Variants in EIF3B observed in about 807,000 individuals in gnomAD.
The protein encoded by EIF3B is eukaryotic translation initiation factor 3 subunit 9.
A neutral mutation model predicts 104.6 loss-of-function variants in EIF3B; 10 were observed. The observed-to-expected ratio is 0.10, with a 90% CI of 0.06 to 0.16. EIF3B has a LOEUF of 0.16. Ranked by LOEUF, EIF3B falls within the 10% of genes least tolerant of loss-of-function variation. The probability of loss-of-function intolerance (pLI) is 1.00; values close to 1 mark genes in which losing one functional copy is unlikely to be tolerated. For missense variants in EIF3B, 1,014 were observed against 1,087.9 expected, an observed-to-expected ratio of 0.93 and a Z score of 0.96; for synonymous variants, 542 against 417.2, an observed-to-expected ratio of 1.30 and a Z score of -3.65.
chr7:2,363,774 G>A lies in EIF3B; in HGVS notation c.999+14G>A, dbSNP rs749248522. 3 of 1,610,736 alleles carry A rather than the reference G, an allele frequency of 1.9e-6. No individual in the cohort carries two copies. Among genetic ancestry groups the A allele is most frequent in the Non-Finnish European group, 2.5e-6 (3 of 1,179,318 alleles). On this transcript the variant is annotated intron_variant, in intron 5 of 18. Coordinates refer to ENST00000360876, the MANE Select transcript of EIF3B (RefSeq NM_001037283.2). The stretch of plus-strand genomic sequence containing the variant: ...GAAGAAAGAGCGGTGTGTATTTGCT[G>A]CTGCTGGGGGCGGGGACTCACCTCT...
chr7:2,376,579 A>AGT (rs1780643691), intron 14 of EIF3B: 1 of 191,924 alleles, frequency 5.2e-6, no homozygotes, highest in South Asian at 1.1e-4. Flanking sequence ...AGCAGTGAGT[A>AGT]GTGCTATGCA....
At chr7:2,371,058 G>A (rs890257047) in intron 10 of EIF3B, among the ~76,000 whole-genome samples, 7 of 152,128 alleles carry the variant, frequency 4.6e-5, no homozygotes, top group African/African-American at 1.7e-4. Context: ...GTGAGACTCC[G>A]TCTCAAAAAT....
In EIF3B at chr7:2,379,523, C is replaced by A. The variant is rs1316322105; in HGVS notation, c.*14+12C>A. On this transcript the variant is annotated intron_variant, in intron 18 of 18. Coordinates refer to ENST00000360876, the MANE Select transcript of EIF3B (RefSeq NM_001037283.2). ...CCTGGAGCACTGTGGTGAGCGTCTG[C>A]AGGGGGCGCGATGGGGGTCCTGTTG... 6.6e-7 allele frequency: 1 copy of A among 1,520,122 alleles called. No homozygotes were observed. The allele number at this position is 1,520,122 out of a possible 1,614,324, so 94.2% of individuals were successfully genotyped here.
At chr7:2,355,509 G>C in intron 1 of EIF3B, 89 bp downstream of exon 1, 1 of 1,393,302 alleles carries the variant, frequency 7.2e-7, no homozygotes, top group Non-Finnish European at 9.3e-7. Flanking sequence ...TGTGCCACCG[G>C]TTCGTGCAGA....
rs1041834569 is a variant in EIF3B at position 2,367,903 on chromosome 7, G to A, written c.1403+858G>A. Among the ~76,000 whole-genome samples, 6 of 127,946 alleles carry A rather than the reference G, an allele frequency of 4.7e-5. No homozygotes were observed. In the South Asian group the frequency reaches 1.3e-3, roughly 27 times the overall value. 83.9% of individuals were successfully genotyped at this position (127,946 alleles called of 152,430 possible). A position where few individuals can be genotyped will look rare whatever the true frequency, so the allele number is the denominator to read the frequency against. On this transcript the variant is annotated intron_variant, in intron 9 of 18. Coordinates refer to ENST00000360876, the MANE Select transcript of EIF3B (RefSeq NM_001037283.2). ...GTCTTGCAGGCTGGTGTAGAGTGGC[G>A]AGATCTTGGCTCACTGCAATTTCCA...
chr7:2,375,608 G>T, intron 14 of EIF3B, 81 bp downstream of exon 14: 1 of 1,589,416 alleles, frequency 6.3e-7, no homozygotes, highest in Non-Finnish European at 8.6e-7. Flanking sequence ...TGCTGTCCTG[G>T]GACCTCAGGG....
At chr7:2,374,860 G>A in intron 13 of EIF3B, 1 of 395,716 alleles carries the variant, frequency 2.5e-6, no homozygotes, top group South Asian at 6.9e-5. Context: ...CCTGTCTGCG[G>A]GTTGTGGTTC....
In EIF3B at chr7:2,378,720, A is replaced by C; in HGVS notation, c.2186A>C (p.Lys729Thr). Residue 729 changes from lysine to threonine, a missense_variant, in exon 16 of 19, where the codon AAG becomes ACG. By Grantham distance (78) the Lys-to-Thr change is moderately conservative. Coordinates refer to ENST00000360876, the MANE Select transcript of EIF3B (RefSeq NM_001037283.2). ...QIKKDLKKYS[K>T]IFEQKDRLSQ... ...AAAAAGGATCTGAAGAAATACTCTA[A>C]GATCTTTGAACAGAAGGATCGTTTG... is the stretch of plus-strand genomic sequence containing the variant. 1 of 1,614,086 alleles carries C rather than the reference A, an allele frequency of 6.2e-7. No homozygotes were observed. The highest frequency in any genetic ancestry group is 8.5e-7 in the Non-Finnish European group (1 of 1,179,946).
At position 2,367,040 on chromosome 7, in the gene EIF3B, G is replaced by A. The variant is rs1475275937; in HGVS notation, c.1398G>A (p.Gly466=). ...ACAAGAAGAGTTTGAAGATCTCTGG[G>A]ATAAAGTGAGTATTCTTATCAGTTT... ...LLDKKSLKIS[G]IKDFSWSPGG... The change falls in exon 9 of 19, where the codon GGG becomes GGA. Residue 466 remains glycine (G), a synonymous_variant. Coordinates refer to ENST00000360876, the MANE Select transcript of EIF3B (RefSeq NM_001037283.2). The A allele has an allele frequency of 3.1e-6, 5 of 1,612,532 alleles. No homozygotes were observed. Among genetic ancestry groups the A allele is most frequent in the Non-Finnish European group, 4.2e-6 (5 of 1,179,590 alleles).
At chr7:2,372,917 T>C (rs1780436907) in intron 12 of EIF3B, 122 bp downstream of exon 12, 9 of 1,148,026 alleles carry the variant, frequency 7.8e-6, no homozygotes, top group Non-Finnish European at 1.1e-5. Flanking sequence ...GACTCGCCTA[T>C]GAATGGGGTG....
chr7:2,355,573 C>T (rs1262815263), intron 1 of EIF3B, among the ~76,000 whole-genome samples, 153 bp downstream of exon 1: 1 of 152,156 alleles, frequency 6.6e-6, no homozygotes, highest in Admixed American at 6.5e-5. Context: ...GGAGGGGTTC[C>T]CGAGTGCCCT....
chr7:2,361,002 A>G (rs1779696485), intron 2 of EIF3B, 100 bp downstream of exon 2: 1 of 1,003,966 alleles, frequency 1.0e-6, no homozygotes, highest in South Asian at 1.6e-5. Flanking sequence ...TGCCTTGCCC[A>G]GGCACGTGGG....
intron 5 of EIF3B, 135 bp downstream of exon 5, chr7:2,363,895 A>G (rs1479475795): frequency 3.9e-6 from 4 of 1,031,246 alleles, no homozygotes; most frequent in Middle Eastern, 2.5e-4. Flanking sequence ...TCTGAAAACA[A>G]CTTCTTTTAT....
intron 6 of EIF3B, among the ~76,000 whole-genome samples, chr7:2,365,776 A>C (rs995378075): frequency 4.6e-5 from 7 of 151,514 alleles, no homozygotes; most frequent in Non-Finnish European, 7.4e-5. Flanking sequence ...CCCGGGTTCA[A>C]GCTATTCTCC....
At chr7:2,377,124 G>T (rs755599628) in intron 15 of EIF3B, 49 bp downstream of exon 15, 15 of 1,554,754 alleles carry the variant, frequency 9.6e-6, no homozygotes, top group Middle Eastern at 1.7e-4. Flanking sequence ...GGCAATTGTG[G>T]CGTTGAAAAG....
intron 1 of EIF3B, among the ~76,000 whole-genome samples, chr7:2,355,902 A>G (rs192127898): frequency 2.0e-5 from 3 of 152,298 alleles, no homozygotes; most frequent in Admixed American, 2.0e-4. Flanking sequence ...AGAATTGTCC[A>G]TCTCCAGAGA....
At position 2,364,362 on chromosome 7, in the gene EIF3B, T is replaced by G. The variant is rs1390829110; in HGVS notation, c.1000-10T>G. ...TGTTGTATTAACGTTGGCACTGCCTTTTTCTGCAGAGATGGACAGAGACGT... is the reference window on the plus strand; with the variant it reads ...TGTTGTATTAACGTTGGCACTGCCTGTTTCTGCAGAGATGGACAGAGACGT... On this transcript the variant is annotated splice_polypyrimidine_tract_variant and intron_variant, in intron 5 of 18. Coordinates refer to ENST00000360876, the MANE Select transcript of EIF3B (RefSeq NM_001037283.2). 4 of 1,578,256 alleles carry G rather than the reference T, an allele frequency of 2.5e-6. No individual in the cohort carries two copies. In the South Asian group the frequency reaches 4.8e-5, roughly 19 times the overall value.
rs757370973 is a variant in EIF3B at position 2,363,759 on chromosome 7, C to A, written c.998C>A (p.Ala333Glu). 8 of 1,612,528 alleles carry A rather than the reference C, an allele frequency of 5.0e-6. No individual in the cohort carries two copies. Among genetic ancestry groups the A allele is most frequent in the Middle Eastern group, 1.6e-4 (1 of 6,082 alleles). ...GACCCTGTCTCAATTGAAGAAAGAG[C>A]GGTGTGTATTTGCTGCTGCTGGGGG... is the stretch of plus-strand genomic sequence containing the variant. ...VKDPVSIEER[A>E]RWTETYVRWS... The change falls in exon 5 of 19, where the codon GCG becomes GAG. Residue 333 changes from alanine (A) to glutamate (E), a missense_variant and splice_region_variant. Physicochemically the swap from Ala to Glu is moderately radical, Grantham distance 107. Coordinates refer to ENST00000360876, the MANE Select transcript of EIF3B (RefSeq NM_001037283.2).
intron 1 of EIF3B, among the ~76,000 whole-genome samples, chr7:2,355,923 G>T (rs1290333131): frequency 1.3e-5 from 2 of 152,208 alleles, no homozygotes; most frequent in African/African-American, 4.8e-5. Flanking sequence ...CTTCCTTAGT[G>T]GGACAGGCAC....
Sources: gnomAD v4.1 joint callset for allele counts (sites outside exome capture counted in the v4.1 genomes callset) on GRCh38, gnomAD v4.1.1 for gene constraint, MANE v1.5 for transcripts, NCBI Gene and HGNC (gene_info 2026-07-23, HGNC 2026-07-21) for gene names.